FUT9: variants seen among roughly 807,000 people sequenced by gnomAD.
FUT9 encodes the protein 4-galactosyl-N-acetylglucosaminide 3-alpha-L-fucosyltransferase 9.
FUT9 carries 15 observed loss-of-function variants against 29.7 expected under a neutral mutation model. The observed-to-expected ratio is 0.51, with a 90% CI of 0.34 to 0.78. The LOEUF is 0.78. FUT9 is among the 30% of genes least tolerant of loss of function. The pLI, the probability that FUT9 is intolerant of heterozygous loss-of-function variation, is 0.01. For missense variants in FUT9, 319 were observed against 425.4 expected, an observed-to-expected ratio of 0.75 and a Z score of 2.20; for synonymous variants, 169 against 153.7, an observed-to-expected ratio of 1.10 and a Z score of -0.74.
intron 1 of FUT9, among the ~76,000 whole-genome samples, chr6:96,035,639 T>C (rs534836177): frequency 5.5e-4 from 71 of 128,104 alleles, no homozygotes; most frequent in African/African-American, 1.9e-3. Context: ...TAATAAAATA[T>C]TATATTTATT....
At position 96,071,636 on chromosome 6, in the gene FUT9, G is replaced by A. The variant is rs1482342205; in HGVS notation, c.-97-42403G>A. The stretch of plus-strand genomic sequence containing the variant: ...CAAATCTGAATACCTGGAAGCTATG[G>A]CAGTTTAACCATTACTACATCAACA... On this transcript the variant is annotated intron_variant, in intron 1 of 2. Coordinates refer to ENST00000302103, the MANE Select transcript of FUT9 (RefSeq NM_006581.4). 2.0e-5 allele frequency among the ~76,000 whole-genome samples: 3 copies of A among 152,030 alleles called. No individual in the cohort carries two copies. In the East Asian group the frequency reaches 5.8e-4, roughly 29 times the overall value.
intron 2 of FUT9, among the ~76,000 whole-genome samples, chr6:96,165,814 C>T (rs1374161568): frequency 6.6e-6 from 1 of 152,060 alleles, no homozygotes; most frequent in Non-Finnish European, 1.5e-5. Flanking sequence ...CGGAGTTTTG[C>T]CATGTTGCCC....
At chr6:96,181,519 G>C (rs2127986034) in intron 2 of FUT9, among the ~76,000 whole-genome samples, 1 of 151,714 alleles carries the variant, frequency 6.6e-6, no homozygotes, top group South Asian at 2.1e-4. Flanking sequence ...GATGATTTGT[G>C]AGATTTTGGT....
intron 2 of FUT9, among the ~76,000 whole-genome samples, chr6:96,127,840 A>T (rs1326268355): frequency 6.6e-6 from 1 of 152,014 alleles, no homozygotes; most frequent in Non-Finnish European, 1.5e-5. Context: ...TGAAAAGTCT[A>T]TGTTCATGTC....
At chr6:96,163,280 CTTTTT>C (rs36099595) in intron 2 of FUT9, among the ~76,000 whole-genome samples, 1 of 143,064 alleles carries the variant, frequency 7.0e-6, no homozygotes, top group East Asian at 2.0e-4. Context: ...CTTCCAAGCT[CTTTTT>C]TTTTTTTTTT....
chr6:96,125,394 C>T (rs1772115670), intron 2 of FUT9, among the ~76,000 whole-genome samples: 2 of 152,134 alleles, frequency 1.3e-5, no homozygotes, highest in Admixed American at 6.5e-5. Context: ...ACCTTAATTA[C>T]ATTGTGGCAA....
chr6:96,179,765 T>C (rs925295008), intron 2 of FUT9, among the ~76,000 whole-genome samples: 10 of 139,944 alleles, frequency 7.1e-5, no homozygotes, highest in Non-Finnish European at 1.6e-4. Flanking sequence ...TGAAAAAAAA[T>C]ATGTTTTCAG....
chr6:96,072,642 AT>A (rs1279923495), intron 1 of FUT9, among the ~76,000 whole-genome samples: 3 of 152,108 alleles, frequency 2.0e-5, no homozygotes, highest in Non-Finnish European at 4.4e-5. Flanking sequence ...TGTTCCATGA[AT>A]TTTTGCCTTA....
At chr6:96,141,391 G>C (rs879601616) in intron 2 of FUT9, among the ~76,000 whole-genome samples, 14 of 152,206 alleles carry the variant, frequency 9.2e-5, no homozygotes, top group Middle Eastern at 3.4e-3. Flanking sequence ...AGTCCTCTCT[G>C]TATCTTTCTA....
At chr6:96,165,621 C>G (rs12204966) in intron 2 of FUT9, among the ~76,000 whole-genome samples, 24,279 of 151,470 alleles carry the variant, frequency 0.16, 2,152 homozygotes, top group African/African-American at 0.19. Context: ...GTCACTTGTG[C>G]ATTTAAAACT....
intron 1 of FUT9, among the ~76,000 whole-genome samples, chr6:96,017,050 C>G (rs1206933254): frequency 6.6e-6 from 1 of 152,160 alleles, no homozygotes; most frequent in East Asian, 1.9e-4. Context: ...GTCTTACTTC[C>G]AGGTTAAGAA....
intron 2 of FUT9, among the ~76,000 whole-genome samples, chr6:96,190,088 G>A (rs376845786): frequency 6.6e-6 from 1 of 152,078 alleles, no homozygotes; most frequent in Non-Finnish European, 1.5e-5. Flanking sequence ...AGGAGCTCTT[G>A]TAGGGCAGGC....
intron 1 of FUT9, among the ~76,000 whole-genome samples, chr6:96,028,920 T>C (rs1770214060): frequency 6.6e-6 from 1 of 151,618 alleles, no homozygotes; most frequent in Non-Finnish European, 1.5e-5. Flanking sequence ...GAATTAAAAC[T>C]CATGAACAGG....
At chr6:96,101,468 G>A (rs1403300676) in intron 1 of FUT9, among the ~76,000 whole-genome samples, 3 of 151,824 alleles carry the variant, frequency 2.0e-5, no homozygotes, top group African/African-American at 7.3e-5. Context: ...AGAATCACCT[G>A]AACCTGGGAG....
rs148876128 is a variant in FUT9, at chr6:96,029,359, G to A, written c.-98+13147G>A. ...CACTAGGTACGTATGAGAAATATTG[G>A]AAGCAGGGTGGGGACAGGAGGGAGC... On this transcript the variant is annotated intron_variant, in intron 1 of 2. Coordinates refer to ENST00000302103, the MANE Select transcript of FUT9 (RefSeq NM_006581.4). Among the ~76,000 whole-genome samples, 541 of 151,550 alleles carry A rather than the reference G, an allele frequency of 3.6e-3. 4 individuals carry two copies. The highest frequency in any genetic ancestry group is 0.013 in the African/African-American group (528 of 41,410).
At position 96,124,994 on chromosome 6, in the gene FUT9, C is replaced by A. The variant is rs117049392; in HGVS notation, c.-9+10867C>A. On this transcript the variant is annotated intron_variant, in intron 2 of 2. Transcript: ENST00000302103. ...AGCCTGACCTCATGAAAAGAGCTTG[C>A]ATTCTAGGTTCAGACAGAATAACAA... 7.7e-3 allele frequency among the ~76,000 whole-genome samples: 1,179 copies of A among 152,290 alleles called. 9 individuals are homozygous for A. The highest frequency in any genetic ancestry group is 0.019 in the Admixed American group (289 of 15,278).
At chr6:96,059,294 C>CT (rs1770831604) in intron 1 of FUT9, among the ~76,000 whole-genome samples, 1 of 152,132 alleles carries the variant, frequency 6.6e-6, no homozygotes, top group South Asian at 2.1e-4. Context: ...CCAGTGGTTT[C>CT]TTTGTGCAAG....
At chr6:96,045,184 A>G (rs573581456) in intron 1 of FUT9, among the ~76,000 whole-genome samples, 49 of 152,220 alleles carry the variant, frequency 3.2e-4, no homozygotes, top group Non-Finnish European at 5.6e-4. Context: ...AGAGGTGAGA[A>G]TTGAAAAGCA....
chr6:96,129,085 G>C (rs1377670224), intron 2 of FUT9, among the ~76,000 whole-genome samples: 2 of 143,326 alleles, frequency 1.4e-5, no homozygotes, highest in Non-Finnish European at 3.1e-5. Flanking sequence ...GTGAAACCCT[G>C]TCTCTACTAA....
Sources: allele counts gnomAD v4.1 joint callset (sites outside exome capture counted in the v4.1 genomes callset), GRCh38; gene constraint gnomAD v4.1.1; transcripts MANE v1.5; gene names NCBI Gene and HGNC (gene_info 2026-07-23, HGNC 2026-07-21).